TNS1: variants seen among roughly 807,000 people sequenced by gnomAD.
The protein encoded by TNS1 is tensin-1.
TNS1 carries 62 observed loss-of-function variants against 168.6 expected under a neutral mutation model. The ratio of observed to expected loss-of-function variants is 0.37; its 90% CI spans 0.30 to 0.45. The LOEUF (loss-of-function observed/expected upper bound fraction) is 0.45, where lower values mean the gene tolerates loss of function less well. TNS1 is among the 20% of genes least tolerant of loss of function. The pLI is 1.00. For synonymous variants in TNS1, 934 were observed against 933.2 expected, an observed-to-expected ratio of 1.00 and a Z score of -0.02; for missense variants, 2,240 against 2,339.4, an observed-to-expected ratio of 0.96 and a Z score of 0.88.
At chr2:217,979,015 G>T in intron 2 of TNS1, 1 of 505,890 alleles carries the variant, frequency 2.0e-6, no homozygotes, top group Admixed American at 3.5e-5. Flanking sequence ...GAGGACCCGC[G>T]GCCGGGGAGG....
At chr2:217,917,834 A>T (rs1955224279) in intron 4 of TNS1, among the ~76,000 whole-genome samples, 2 of 151,460 alleles carry the variant, frequency 1.3e-5, no homozygotes, top group African/African-American at 4.9e-5. Flanking sequence ...GTTCTCAAAA[A>T]AAAAAAAAAA....
intron 1 of TNS1, among the ~76,000 whole-genome samples, chr2:217,999,529 C>T (rs775102767): frequency 6.6e-6 from 1 of 152,192 alleles, no homozygotes; most frequent in Non-Finnish European, 1.5e-5. Context: ...AGTGCTCTTC[C>T]CAATTTTGTG....
In TNS1 at chr2:217,813,791, C is replaced by T; in HGVS notation, c.4755G>A (p.Glu1585=). 6.2e-7 allele frequency: 1 copy of T among 1,613,486 alleles called. No individual in the cohort carries two copies. Among genetic ancestry groups the T allele is most frequent in the Non-Finnish European group, 8.5e-7 (1 of 1,179,698 alleles). The change falls in exon 26 of 33, where the codon GAG becomes GAA. Residue 1585 remains glutamate (E), a synonymous_variant. Coordinates refer to ENST00000682258, the MANE Select transcript of TNS1 (RefSeq NM_001387777.1). This position sits in a 1 kb window ranked among gnomAD's most constrained non-coding sequence, Gnocchi z 4.0. The part of the protein sequence containing the change: ...EQAIALLKDQ[E]PGAFIIRDSH... ...TGTCGCGGATGATGAAGGCCCCCGGCTCCTGGTCCTTGAGGAGCGCGATGG... is the reference window on the plus strand; with the variant it reads ...TGTCGCGGATGATGAAGGCCCCCGGTTCCTGGTCCTTGAGGAGCGCGATGG...
chr2:217,983,782 G>A (rs1302702323), intron 2 of TNS1, among the ~76,000 whole-genome samples: 3 of 152,156 alleles, frequency 2.0e-5, no homozygotes, highest in South Asian at 2.1e-4. Context: ...CCTGCTCACC[G>A]GCCACTCACC....
intron 18 of TNS1, chr2:217,850,113 A>G (rs2125449658): frequency 1.0e-6 from 1 of 985,376 alleles, no homozygotes; most frequent in African/African-American, 1.7e-5. Context: ...GACTCCAGGA[A>G]AGGGACGCGG....
chr2:217,929,931 C>A (rs2125898847), intron 3 of TNS1, among the ~76,000 whole-genome samples: 1 of 152,306 alleles, frequency 6.6e-6, no homozygotes, highest in East Asian at 1.9e-4. Context: ...CTCCATTTGG[C>A]AGCCAGGGAG....
At chr2:217,810,033 T>C (rs1430267461) in intron 29 of TNS1, 42 bp from the exon 30 acceptor site, 1 of 1,600,646 alleles carries the variant, frequency 6.2e-7, no homozygotes, top group Non-Finnish European at 8.5e-7. Flanking sequence ...GGAGCTGGCG[T>C]GGGTGAGGAC....
At chr2:217,887,884 C>G (rs941988266) in intron 12 of TNS1, among the ~76,000 whole-genome samples, 1 of 152,214 alleles carries the variant, frequency 6.6e-6, no homozygotes, top group African/African-American at 2.4e-5. Flanking sequence ...TTCTGATTGG[C>G]CATGGAATGA....
chr2:217,911,400 A>C (rs555444184), intron 4 of TNS1, among the ~76,000 whole-genome samples: 2 of 152,300 alleles, frequency 1.3e-5, no homozygotes, highest in South Asian at 4.1e-4. Context: ...TTAAGAAGGC[A>C]TTGCTCTCAC....
intron 1 of TNS1, among the ~76,000 whole-genome samples, chr2:218,000,329 G>C (rs1482763421): frequency 6.6e-6 from 1 of 152,220 alleles, no homozygotes; most frequent in Non-Finnish European, 1.5e-5. Flanking sequence ...AACTATCTCA[G>C]TCACTTCCTG....
rs1211535738 is a variant in TNS1 at position 218,008,660 on chromosome 2, TTTCCCCAC to T, written c.96+1432_96+1439del. Among the ~76,000 whole-genome samples, 4 of 152,228 alleles carry T rather than the reference TTTCCCCAC, an allele frequency of 2.6e-5. No individual in the cohort carries two copies. The East Asian group carries it at 7.7e-4, about 29-fold the overall frequency. On this transcript the variant is annotated intron_variant, in intron 1 of 32. Transcript: ENST00000646520. The stretch of plus-strand genomic sequence containing the variant: ...ACTGGAACAGAAGCCTGCTGGCACC[TTTCCCCAC>T]TGCGGAACAGCAGAGAGGGAAACTG...
chr2:218,014,911 G>GGAAGGAAA (rs1958743350), upstream of TNS1, among the ~76,000 whole-genome samples: 1 of 86,454 alleles, frequency 1.2e-5, no homozygotes, highest in African/African-American at 3.8e-5. Flanking sequence ...AAGGAAGGAA[G>GGAAGGAAA]GAAGGAAGGA....
At chr2:217,946,684 T>A (rs201892313) in intron 3 of TNS1, among the ~76,000 whole-genome samples, 1 of 151,858 alleles carries the variant, frequency 6.6e-6, no homozygotes, top group Non-Finnish European at 1.5e-5. Context: ...AGACCCCTCC[T>A]CCAGCCACTC....
chr2:217,950,001 T>G (rs1320246267), intron 3 of TNS1, among the ~76,000 whole-genome samples: 1 of 152,198 alleles, frequency 6.6e-6, no homozygotes, highest in Non-Finnish European at 1.5e-5. Context: ...GCACAGGCAC[T>G]TTTGGTTGTA....
At chr2:217,976,458 C>T (rs1341626428) in intron 3 of TNS1, among the ~76,000 whole-genome samples, 1 of 152,190 alleles carries the variant, frequency 6.6e-6, no homozygotes, top group Non-Finnish European at 1.5e-5. Flanking sequence ...CTGGGTGGAG[C>T]GCTCACCACC....
chr2:217,966,306 TGTGCGC>T lies in TNS1; in HGVS notation c.186+12453_186+12458del, dbSNP rs1234120125. ...GTGTGTGTGTGTGTGTGTGTGTGTGTGTGCGCGCGCGCGCGTGTGTAAGGAGACAGC... is the reference window on the plus strand; with the variant it reads ...GTGTGTGTGTGTGTGTGTGTGTGTGTGCGCGCGCGTGTGTAAGGAGACAGC... On this transcript the variant is annotated intron_variant, in intron 3 of 32. Transcript: ENST00000682258. Among the ~76,000 whole-genome samples, 238 of 135,282 alleles carry T rather than the reference TGTGCGC, an allele frequency of 1.8e-3. 1 individual carries two copies. Among genetic ancestry groups the T allele is most frequent in the African/African-American group, 7.4e-3 (231 of 31,052 alleles). 88.8% of individuals were successfully genotyped at this position (135,282 alleles called of 152,430 possible).
At chr2:217,970,764 C>T (rs951729505) in intron 3 of TNS1, among the ~76,000 whole-genome samples, 6 of 152,082 alleles carry the variant, frequency 3.9e-5, no homozygotes, top group African/African-American at 1.4e-4. Context: ...TACAGGGTTT[C>T]TTTCCGAGCT....
chr2:217,823,000 G>A (rs897498668), intron 22 of TNS1, among the ~76,000 whole-genome samples: 3 of 152,154 alleles, frequency 2.0e-5, no homozygotes, highest in African/African-American at 7.2e-5. Flanking sequence ...CCACAACTAA[G>A]GCATCCACTG....
intron 22 of TNS1, among the ~76,000 whole-genome samples, chr2:217,826,786 C>A (rs549134578): frequency 6.6e-6 from 1 of 152,318 alleles, no homozygotes; most frequent in South Asian, 2.1e-4. Context: ...GGAGCCCAAA[C>A]CCTGCCAAGT....
Sources: gnomAD v4.1 joint callset for allele counts (sites outside exome capture counted in the v4.1 genomes callset) on GRCh38, gnomAD v4.1.1 for gene constraint, Gnocchi (gnomAD v3.1) non-coding constraint, MANE v1.5 for transcripts, NCBI Gene and HGNC (gene_info 2026-07-23, HGNC 2026-07-21) for gene names.